The following MED12L variants were observed in gnomAD, a reference collection of about 807,000 sequenced individuals.
The protein encoded by MED12L is mediator of RNA polymerase II transcription subunit 12-like protein.
MED12L carries 60 observed loss-of-function variants against 281.3 expected under a neutral mutation model. The observed-to-expected ratio is 0.21, with a 90% CI of 0.17 to 0.26. The LOEUF is 0.26. Among genes scored for constraint, MED12L ranks in the 10% least tolerant of loss-of-function variants. The pLI is 1.00. For missense variants in MED12L, 2,146 were observed against 2,680.9 expected, an observed-to-expected ratio of 0.80 and a Z score of 4.41; for synonymous variants, 974 against 987.2, an observed-to-expected ratio of 0.99 and a Z score of 0.25.
chr3:151,198,632 T>A, intron 16 of MED12L: 2 of 1,614,022 alleles, frequency 1.2e-6, no homozygotes, highest in Non-Finnish European at 1.7e-6. Context: ...AGTTATGACT[T>A]CTGTCTGGCT....
chr3:151,217,603 G>T (rs1728496653), intron 16 of MED12L, among the ~76,000 whole-genome samples: 1 of 152,194 alleles, frequency 6.6e-6, no homozygotes, highest in Non-Finnish European at 1.5e-5. Context: ...CCAGTTTAGG[G>T]TGGGAGGTTT....
chr3:151,245,336 A>G (rs374066074), intron 16 of MED12L, among the ~76,000 whole-genome samples: 17 of 152,006 alleles, frequency 1.1e-4, no homozygotes, highest in East Asian at 5.8e-4. Context: ...TTTTAGACCA[A>G]TATCCTTGAT....
chr3:151,428,507 C>T (rs1719110901), intron 43 of MED12L, among the ~76,000 whole-genome samples: 1 of 151,896 alleles, frequency 6.6e-6, no homozygotes, highest in South Asian at 2.1e-4. Flanking sequence ...GAATTGAAGG[C>T]TCTTAGAATT....
intron 38 of MED12L, among the ~76,000 whole-genome samples, chr3:151,391,922 C>T (rs570228227): frequency 8.5e-4 from 130 of 152,254 alleles, no homozygotes; most frequent in African/African-American, 2.9e-3. Context: ...AAGAAGGATG[C>T]AATCATCATC....
chr3:151,353,997 C>T (rs935791955), intron 17 of MED12L, among the ~76,000 whole-genome samples: 8 of 120,414 alleles, frequency 6.6e-5, no homozygotes, highest in African/African-American at 1.6e-4. Flanking sequence ...AAAAATTAGC[C>T]GGGCGTAGTG....
At chr3:151,355,800 A>G in intron 18 of MED12L, 96 bp from the exon 19 acceptor site, 4 of 1,074,594 alleles carry the variant, frequency 3.7e-6, no homozygotes, top group Non-Finnish European at 5.2e-6. Context: ...AGAATCATGT[A>G]TAGATTCAAC....
intron 16 of MED12L, among the ~76,000 whole-genome samples, chr3:151,195,112 G>A (rs143791063): frequency 1.3e-5 from 2 of 151,786 alleles, no homozygotes; most frequent in Non-Finnish European, 1.5e-5. Flanking sequence ...GCAGTGAGCC[G>A]AGATCACACC....
chr3:151,108,671 C>G (rs1368724535), intron 2 of MED12L, among the ~76,000 whole-genome samples: 1 of 152,122 alleles, frequency 6.6e-6, no homozygotes, highest in Non-Finnish European at 1.5e-5. Context: ...ACATTTCTGT[C>G]CAATTCATTG....
chr3:151,435,653 A>AGAT lies in MED12L; in HGVS notation c.*2851_*2853dup, dbSNP rs944665755. The AGAT allele has an allele frequency of 2.0e-5, 3 of 152,140 alleles. No homozygotes were observed. The highest frequency in any genetic ancestry group is 7.2e-5 in the African/African-American group (3 of 41,406). The allele number at this position is 152,140 out of a possible 1,614,324, so 9.4% of individuals were successfully genotyped here. A position where few individuals can be genotyped will look rare whatever the true frequency, so the allele number is the denominator to read the frequency against. On this transcript the variant is annotated 3_prime_UTR_variant, in exon 45 of 45. Transcript: ENST00000687756. The stretch of plus-strand genomic sequence containing the variant: ...GTAAGTACTAGGTGAATGTTTGAAT[A>AGAT]GATGCTGGAGAAATTACACTGGAAA...
chr3:151,304,603 A>G (rs1235953082), intron 16 of MED12L, among the ~76,000 whole-genome samples: 4 of 152,038 alleles, frequency 2.6e-5, no homozygotes, highest in African/African-American at 9.7e-5. Flanking sequence ...GATTAAAAAA[A>G]AAAAAAATCC....
intron 2 of MED12L, among the ~76,000 whole-genome samples, chr3:151,111,183 G>A (rs1460011400): frequency 2.0e-5 from 3 of 152,168 alleles, no homozygotes. Flanking sequence ...AAGGTTTTTT[G>A]TATCTCTTCT....
chr3:151,369,992 C>T (rs774417688), intron 26 of MED12L, among the ~76,000 whole-genome samples: 6 of 152,120 alleles, frequency 3.9e-5, no homozygotes, highest in Non-Finnish European at 8.8e-5. Flanking sequence ...CCTATCATGA[C>T]CCTGAACGAG....
chr3:151,284,166 G>A (rs1743161239), intron 16 of MED12L, among the ~76,000 whole-genome samples: 2 of 152,174 alleles, frequency 1.3e-5, no homozygotes, highest in Admixed American at 1.3e-4. Flanking sequence ...ATGTGTGGGA[G>A]GAGCATGGCC....
chr3:151,210,648 A>G (rs951842711), intron 16 of MED12L, among the ~76,000 whole-genome samples: 2 of 152,228 alleles, frequency 1.3e-5, no homozygotes, highest in Non-Finnish European at 2.9e-5. Context: ...TGACTTTTGA[A>G]TATCTTTCTG....
At chr3:151,360,400 A>T (rs773252624) in intron 20 of MED12L, 74 bp from the exon 21 acceptor site, 5 of 1,385,376 alleles carry the variant, frequency 3.6e-6, no homozygotes, top group Non-Finnish European at 5.0e-6. Context: ...ACATATTTTC[A>T]TTCTAAAAGA....
intron 5 of MED12L, among the ~76,000 whole-genome samples, chr3:151,128,918 C>G (rs189088077): frequency 2.0e-5 from 3 of 152,312 alleles, no homozygotes; most frequent in Admixed American, 1.3e-4. Context: ...TTATGCTGGC[C>G]ATGGTCAGTA....
At chr3:151,357,528 A>T in intron 20 of MED12L, 152 bp downstream of exon 20, 1 of 638,572 alleles carries the variant, frequency 1.6e-6, no homozygotes, top group East Asian at 2.9e-5. Context: ...ACATCGATCA[A>T]AAAGGTCTAA....
Position 151,125,998 on chromosome 3 carries a change from A to C in MED12L, c.397-1827A>C, listed in dbSNP as rs186705698. Among the ~76,000 whole-genome samples, 237 of 151,604 alleles carry C rather than the reference A, an allele frequency of 1.6e-3. 6 individuals are homozygous for C. In the South Asian group the frequency reaches 0.044, roughly 28 times the overall value. On this transcript the variant is annotated intron_variant, in intron 4 of 44. Transcript: ENST00000687756. ...CCAAGGCAGGAACTGTACATGACCT[A>C]AAGTCTCTTCAATTGCCCATAAAAT...
intron 16 of MED12L, among the ~76,000 whole-genome samples, chr3:151,242,977 C>T (rs995083068): frequency 1.6e-4 from 24 of 151,626 alleles, no homozygotes; most frequent in African/African-American, 5.8e-4. Flanking sequence ...ATGCAGAAGC[C>T]TCAGGAGCCC....
Sources: gnomAD v4.1 joint callset for allele counts (sites outside exome capture counted in the v4.1 genomes callset) on GRCh38, gnomAD v4.1.1 for gene constraint, MANE v1.5 for transcripts, NCBI Gene and HGNC (gene_info 2026-07-23, HGNC 2026-07-21) for gene names.